Variants in MRPS25 observed in about 807,000 individuals in gnomAD.
The protein encoded by MRPS25 is mitochondrial ribosomal protein S25.
Under a neutral mutation model 17.3 loss-of-function variants are expected in MRPS25, and 15 were observed. That is an observed-to-expected ratio of 0.87 (90% CI 0.58 to 1.34). The LOEUF (loss-of-function observed/expected upper bound fraction) is 1.34. Among genes scored for constraint, MRPS25 ranks in the 40% most tolerant of loss-of-function variants. The pLI is 0.00. For synonymous variants in MRPS25, 94 were observed against 83.3 expected, an observed-to-expected ratio of 1.13 and a Z score of -0.70; for missense variants, 225 against 218.6, an observed-to-expected ratio of 1.03 and a Z score of -0.19.
chr3:15,058,038 C>T (rs2042696614), intron 2 of MRPS25, among the ~76,000 whole-genome samples: 1 of 152,032 alleles, frequency 6.6e-6, no homozygotes, highest in Non-Finnish European at 1.5e-5. Context: ...TATGCCACCA[C>T]ACTGGCTAAA....
At position 15,049,562 on chromosome 3, in the gene MRPS25, GCA is replaced by G. The variant is rs2042570302; in HGVS notation, c.*2877_*2878del. 2.7e-6 allele frequency: 1 copy of G among 364,662 alleles called. No homozygotes were observed. The highest frequency in any genetic ancestry group is 2.2e-5 in the African/African-American group (1 of 46,028). The allele number at this position is 364,662 out of a possible 1,614,324, so 22.6% of individuals were successfully genotyped here. On this transcript the variant is annotated 3_prime_UTR_variant, in exon 4 of 4. Transcript: ENST00000253686. ...GCCACACACATGTTTCTGGAGCAGA[GCA>G]CAGTTAGGCTGCTGGAACATTCAGA...
chr3:15,065,114 C>A lies in MRPS25; in HGVS notation c.81G>T (p.Val27=), dbSNP rs781285865. 3.7e-6 allele frequency: 6 copies of A among 1,609,154 alleles called. No homozygotes were observed. Among genetic ancestry groups the A allele is most frequent in the South Asian group, 3.3e-5 (3 of 89,926 alleles). ...SQGNVVFKDS[V]KVMTVNYNTH... is the part of the protein sequence containing the mutation. ...TGTTGTAATTCACTGTCATGACCTT[C>A]ACGGAGTCCTTGAACACCACGTTCC... The change falls in exon 1 of 4, where the codon GTG becomes GTT. Residue 27 remains valine, a synonymous_variant. Coordinates refer to ENST00000253686, the MANE Select transcript of MRPS25 (RefSeq NM_022497.5).
chr3:15,042,783 G>T (rs1023402213), downstream of MRPS25: 19 of 1,564,084 alleles, frequency 1.2e-5, no homozygotes, highest in Non-Finnish European at 1.5e-5. Context: ...GCTGAGCTGT[G>T]GTTGAAGGGC....
downstream of MRPS25, chr3:15,042,990 C>T: frequency 6.2e-7 from 1 of 1,614,080 alleles, no homozygotes; most frequent in Non-Finnish European, 8.5e-7. Context: ...ATGGCCAGAT[C>T]ACCGGAGCCA....
chr3:15,047,368 T>C (rs2042492978), downstream of MRPS25: 1 of 152,246 alleles, frequency 6.6e-6, no homozygotes, highest in Non-Finnish European at 1.5e-5. Flanking sequence ...GTATATTCTC[T>C]AGGTTCGGAC....
downstream of MRPS25, chr3:15,047,750 G>A (rs983271924): frequency 3.3e-5 from 5 of 152,242 alleles, no homozygotes; most frequent in African/African-American, 4.8e-5. Flanking sequence ...AAGCATGGAT[G>A]TTGATGGCTA....
Position 15,049,630 on chromosome 3 carries a change from T to C in MRPS25, c.*2811A>G. The C allele has an allele frequency of 2.0e-6, 1 of 508,182 alleles. No individual in the cohort carries two copies. The highest frequency in any genetic ancestry group is 2.8e-5 in the South Asian group (1 of 35,692). The allele number at this position is 508,182 out of a possible 1,614,324, so 31.5% of individuals were successfully genotyped here. On this transcript the variant is annotated 3_prime_UTR_variant, in exon 4 of 4. Coordinates refer to ENST00000253686, the MANE Select transcript of MRPS25 (RefSeq NM_022497.5). ...GCCTTAAATTGGCAAGCTTATTCTCTAAGGATACGTGCTATCAAGGGCAAA... is the reference window on the plus strand; with the variant it reads ...GCCTTAAATTGGCAAGCTTATTCTCCAAGGATACGTGCTATCAAGGGCAAA...
chr3:15,065,288 C>A lies in MRPS25; in HGVS notation c.-94G>T, dbSNP rs578243127. ...CACCCGCGCGGATCTCACGCGGCTT[C>A]TCCCCAGAGCCAGGTTCCACTTCCC... On this transcript the variant is annotated 5_prime_UTR_variant, in exon 1 of 4. Transcript: ENST00000253686. 8.1e-5 allele frequency: 116 copies of A among 1,433,282 alleles called. 2 individuals carry two copies. In the South Asian group the frequency reaches 1.6e-3, roughly 19 times the overall value. The allele number at this position is 1,433,282 out of a possible 1,614,324, so 88.8% of individuals were successfully genotyped here. A position where few individuals can be genotyped will look rare whatever the true frequency, so the allele number is the denominator to read the frequency against.
downstream of MRPS25, chr3:15,044,762 G>A (rs1394959108): frequency 6.6e-6 from 1 of 152,282 alleles, no homozygotes; most frequent in Admixed American, 6.5e-5. Flanking sequence ...GCCAGCTACA[G>A]ACGCCCCTGT....
At chr3:15,061,246 C>G (rs975705250) in intron 1 of MRPS25, among the ~76,000 whole-genome samples, 2 of 152,172 alleles carry the variant, frequency 1.3e-5, no homozygotes, top group Non-Finnish European at 2.9e-5. Flanking sequence ...CCTCTTTCCA[C>G]GGTCTCCCTC....
chr3:15,058,375 G>A (rs2042700522), intron 2 of MRPS25, among the ~76,000 whole-genome samples: 1 of 152,134 alleles, frequency 6.6e-6, no homozygotes, highest in South Asian at 2.1e-4. Context: ...ATTTTTAGTA[G>A]AGACAGGGTT....
At chr3:15,063,378 A>G (rs917390352) in intron 1 of MRPS25, among the ~76,000 whole-genome samples, 1 of 152,182 alleles carries the variant, frequency 6.6e-6, no homozygotes, top group Non-Finnish European at 1.5e-5. Context: ...GCAGGTACCC[A>G]AAGACTGGCT....
chr3:15,042,854 G>A, downstream of MRPS25: 1 of 1,612,242 alleles, frequency 6.2e-7, no homozygotes, highest in Non-Finnish European at 8.5e-7. Context: ...ATCCTCGTTC[G>A]CCTGCCGGCA....
intron 2 of MRPS25, among the ~76,000 whole-genome samples, chr3:15,055,546 A>G (rs1365164158): frequency 6.6e-6 from 1 of 152,216 alleles, no homozygotes; most frequent in East Asian, 1.9e-4. Context: ...TTAGCCAGTG[A>G]GTTAAGACAA....
intron 1 of MRPS25, among the ~76,000 whole-genome samples, chr3:15,063,147 A>C (rs1439451712): frequency 6.6e-6 from 1 of 152,076 alleles, no homozygotes; most frequent in Non-Finnish European, 1.5e-5. Context: ...CTCCAACCCC[A>C]GAAGGTGGGG....
At chr3:15,043,374 A>T (rs1261040057), downstream of MRPS25, 2 of 155,772 alleles carry the variant, frequency 1.3e-5, no homozygotes, top group Non-Finnish European at 2.8e-5. Context: ...ATATATATAT[A>T]AAAAAGTCCT....
chr3:15,044,402 A>G (rs1159601987), downstream of MRPS25: 2 of 152,124 alleles, frequency 1.3e-5, no homozygotes, highest in African/African-American at 2.4e-5. Flanking sequence ...TTCCAGGGTG[A>G]TAGTCTTTCT....
rs1331879923 is a variant in MRPS25 at position 15,065,091 on chromosome 3, T to A, written c.104A>T (p.Asn35Ile). 1.2e-6 allele frequency: 2 copies of A among 1,606,516 alleles called. No individual in the cohort carries two copies. Among genetic ancestry groups the A allele is most frequent in the South Asian group, 2.2e-5 (2 of 89,634 alleles). Residue 35 changes from asparagine to isoleucine, a missense_variant, in exon 1 of 4, where the codon AAC (asparagine) becomes ATC (isoleucine). Asn to Ile is a moderately radical substitution (Grantham distance 149). Coordinates refer to ENST00000253686, the MANE Select transcript of MRPS25 (RefSeq NM_022497.5). ...DSVKVMTVNY[N>I]THGELGEGAR... ...GCCCTCGCCCAGCTCCCCATGCGTG[T>A]TGTAATTCACTGTCATGACCTTCAC...
At chr3:15,061,533 G>A (rs2042758862) in intron 1 of MRPS25, among the ~76,000 whole-genome samples, 1 of 152,224 alleles carries the variant, frequency 6.6e-6, no homozygotes, top group South Asian at 2.1e-4. Flanking sequence ...TGGTGCCCAG[G>A]CTGGAGTGCA....
Sources: gnomAD v4.1 joint callset for allele counts (sites outside exome capture counted in the v4.1 genomes callset) on GRCh38, gnomAD v4.1.1 for gene constraint, MANE v1.5 for transcripts, NCBI Gene and HGNC (gene_info 2026-07-23, HGNC 2026-07-21) for gene names.